The following COL19A1 variants were observed in gnomAD, a reference collection of about 807,000 sequenced individuals.
COL19A1 encodes collagen alpha-1(XIX) chain.
In COL19A1, 159 loss-of-function variants were observed where a neutral mutation model predicts 190.2. That is an observed-to-expected ratio of 0.84 (90% CI 0.73 to 0.95). COL19A1 has a LOEUF of 0.95. Among genes scored for constraint, COL19A1 ranks in the 40% least tolerant of loss-of-function variants. The probability of loss-of-function intolerance (pLI) is 0.00; values close to 1 mark genes in which losing one functional copy is unlikely to be tolerated. For synonymous variants in COL19A1, 509 were observed against 458.9 expected, an observed-to-expected ratio of 1.11 and a Z score of -1.39; for missense variants, 1,418 against 1,431.9, an observed-to-expected ratio of 0.99 and a Z score of 0.16.
At chr6:70,118,645 G>A (rs1784717457) in intron 16 of COL19A1, among the ~76,000 whole-genome samples, 1 of 152,198 alleles carries the variant, frequency 6.6e-6, no homozygotes, top group African/African-American at 2.4e-5. Context: ...TAAAACTTCA[G>A]ATCAAACCCA....
intron 11 of COL19A1, among the ~76,000 whole-genome samples, chr6:70,003,549 G>C (rs111457424): frequency 6.6e-6 from 1 of 152,110 alleles, no homozygotes; most frequent in Non-Finnish European, 1.5e-5. Context: ...ATGAATCTGC[G>C]TGCTCCTGTA....
chr6:69,899,892 C>A (rs563438794), intron 3 of COL19A1, among the ~76,000 whole-genome samples: 3 of 152,272 alleles, frequency 2.0e-5, no homozygotes, highest in African/African-American at 4.8e-5. Flanking sequence ...AATGGCTGTA[C>A]TATTTTTAAT....
intron 4 of COL19A1, among the ~76,000 whole-genome samples, chr6:69,903,594 G>A (rs1369436681): frequency 5.3e-5 from 8 of 152,150 alleles, no homozygotes; most frequent in Admixed American, 5.2e-4. Context: ...CCGGGGGGTT[G>A]TTATCCATAA....
intron 4 of COL19A1, among the ~76,000 whole-genome samples, chr6:69,919,947 G>A (rs1031412187): frequency 6.6e-6 from 1 of 151,940 alleles, no homozygotes; most frequent in Non-Finnish European, 1.5e-5. Context: ...GTGTGTGAGG[G>A]GGTGCAGTAT....
chr6:70,154,605 A>C (rs1787321234), intron 31 of COL19A1, among the ~76,000 whole-genome samples: 2 of 152,182 alleles, frequency 1.3e-5, no homozygotes, highest in Admixed American at 6.5e-5. Context: ...GAATTGACTC[A>C]TGTGATTACA....
intron 4 of COL19A1, among the ~76,000 whole-genome samples, chr6:69,914,777 A>G (rs1771185688): frequency 6.6e-6 from 1 of 152,198 alleles, no homozygotes; most frequent in East Asian, 1.9e-4. Context: ...CACTGTAATC[A>G]GTAATTAAAC....
chr6:70,161,029 C>T (rs1455461532), intron 34 of COL19A1, among the ~76,000 whole-genome samples: 1 of 152,084 alleles, frequency 6.6e-6, no homozygotes, highest in East Asian at 1.9e-4. Context: ...GCTAATCTTA[C>T]CATTTCTTCC....
chr6:69,955,475 G>A (rs1326335013), intron 9 of COL19A1, among the ~76,000 whole-genome samples: 9 of 151,002 alleles, frequency 6.0e-5, no homozygotes, highest in Non-Finnish European at 1.3e-4. Flanking sequence ...TTAAAAAGAA[G>A]CACGTTGTAT....
At chr6:70,204,854 A>G (rs1284809595) in intron 49 of COL19A1, among the ~76,000 whole-genome samples, 5 of 152,166 alleles carry the variant, frequency 3.3e-5, no homozygotes, top group East Asian at 1.9e-4. Flanking sequence ...TAAACTATCA[A>G]ATATACCTCA....
At chr6:69,951,511 T>C (rs576344685) in intron 9 of COL19A1, among the ~76,000 whole-genome samples, 1 of 152,070 alleles carries the variant, frequency 6.6e-6, no homozygotes, top group South Asian at 2.1e-4. Context: ...TGGGGGAATT[T>C]ATATTAGTTA....
intron 11 of COL19A1, among the ~76,000 whole-genome samples, chr6:70,019,964 A>G (rs1024303784): frequency 2.0e-5 from 3 of 152,246 alleles, no homozygotes; most frequent in Admixed American, 6.5e-5. Context: ...TTGTGAATAC[A>G]TAGATATCAA....
At chr6:70,164,431 C>T (rs985172454) in intron 36 of COL19A1, among the ~76,000 whole-genome samples, 2 of 152,134 alleles carry the variant, frequency 1.3e-5, no homozygotes, top group Non-Finnish European at 2.9e-5. Context: ...CCCTGACCAA[C>T]GTGGAACATA....
intron 48 of COL19A1, among the ~76,000 whole-genome samples, chr6:70,192,766 G>A (rs927313100): frequency 2.6e-5 from 4 of 152,146 alleles, no homozygotes; most frequent in African/African-American, 7.2e-5. Flanking sequence ...CTAAACATGG[G>A]GCCCTATGTG....
At chr6:70,184,025 T>G (rs368472228) in intron 44 of COL19A1, among the ~76,000 whole-genome samples, 12 of 152,376 alleles carry the variant, frequency 7.9e-5, no homozygotes, top group African/African-American at 2.9e-4. Flanking sequence ...TCGTTATCAC[T>G]TCTAGAACTC....
intron 15 of COL19A1, among the ~76,000 whole-genome samples, chr6:70,071,679 T>C (rs1214310563): frequency 6.6e-6 from 1 of 152,110 alleles, no homozygotes; most frequent in Non-Finnish European, 1.5e-5. Flanking sequence ...CAATGAATGT[T>C]GAATATTGAT....
chr6:70,063,289 C>A (rs1780960083), intron 14 of COL19A1, among the ~76,000 whole-genome samples: 1 of 152,128 alleles, frequency 6.6e-6, no homozygotes, highest in Admixed American at 6.5e-5. Flanking sequence ...GTCTCTCAGA[C>A]CACAGTGCAA....
At chr6:70,081,827 T>G (rs1782275844) in intron 15 of COL19A1, among the ~76,000 whole-genome samples, 1 of 152,052 alleles carries the variant, frequency 6.6e-6, no homozygotes, top group African/African-American at 2.4e-5. Flanking sequence ...TTTTTAAAAA[T>G]AAAATTTGAA....
chr6:69,943,577 T>G (rs1291754030), intron 9 of COL19A1, among the ~76,000 whole-genome samples: 1 of 152,132 alleles, frequency 6.6e-6, no homozygotes, highest in Non-Finnish European at 1.5e-5. Context: ...TTGGGTTGAT[T>G]TTTGCATATG....
At chr6:70,050,526 A>G (rs1010056041) in intron 14 of COL19A1, among the ~76,000 whole-genome samples, 12 of 152,100 alleles carry the variant, frequency 7.9e-5, no homozygotes, top group Non-Finnish European at 1.8e-4. Context: ...TACTCAATAA[A>G]TATTTCTTCT....
Sources: allele counts gnomAD v4.1 joint callset (sites outside exome capture counted in the v4.1 genomes callset), GRCh38; gene constraint gnomAD v4.1.1; transcripts MANE v1.5; gene names NCBI Gene and HGNC (gene_info 2026-07-23, HGNC 2026-07-21).